DDX4: variants seen among roughly 807,000 people sequenced by gnomAD.
DDX4 encodes the protein DEAD-box helicase 4.
A neutral mutation model predicts 100.0 loss-of-function variants in DDX4; 25 were observed. The ratio of observed to expected loss-of-function variants is 0.25; its 90% CI spans 0.18 to 0.35. The LOEUF (loss-of-function observed/expected upper bound fraction) is 0.35, where lower values mean the gene tolerates loss of function less well. Ranked by LOEUF, DDX4 falls within the 10% of genes least tolerant of loss-of-function variation. The probability of loss-of-function intolerance (pLI) is 1.00; values close to 1 mark genes in which losing one functional copy is unlikely to be tolerated. For synonymous variants in DDX4, 259 were observed against 275.7 expected (o/e 0.94, Z 0.60); for missense variants, 635 against 882.4 (o/e 0.72, Z 3.55).
intron 6 of DDX4, among the ~76,000 whole-genome samples, chr5:55,764,842 C>G (rs947976675): frequency 6.6e-6 from 1 of 152,118 alleles, no homozygotes; most frequent in African/African-American, 2.4e-5. Flanking sequence ...AGTGAGAATG[C>G]GTGTAAAAGC....
chr5:55,780,877 C>G (rs1741871154), intron 8 of DDX4, among the ~76,000 whole-genome samples, 189 bp from the exon 9 acceptor site: 1 of 152,126 alleles, frequency 6.6e-6, no homozygotes, highest in South Asian at 2.1e-4. Flanking sequence ...CTTAGTTTAA[C>G]TTGGTTTAAT....
chr5:55,773,402 T>C (rs2111908250), intron 7 of DDX4, among the ~76,000 whole-genome samples: 1 of 152,346 alleles, frequency 6.6e-6, no homozygotes, highest in Middle Eastern at 3.4e-3. Flanking sequence ...TTTTCTGGAG[T>C]ATATACTTAG....
chr5:55,786,434 G>A lies in DDX4; in HGVS notation c.865-84G>A, dbSNP rs551728013. 42 of 1,109,156 alleles carry A rather than the reference G, an allele frequency of 3.8e-5. No homozygotes were observed. The South Asian group carries it at 7.2e-4, about 19-fold the overall frequency. The allele number at this position is 1,109,156 out of a possible 1,614,324, so 68.7% of individuals were successfully genotyped here. ...TATAAAGTAGAATTAACAGAACTTGGAAAGTAGCTCGAATGAAATATGCTT... is the reference window on the plus strand; with the variant it reads ...TATAAAGTAGAATTAACAGAACTTGAAAAGTAGCTCGAATGAAATATGCTT... On this transcript the variant is annotated intron_variant, in intron 13 of 21. Transcript: ENST00000505374.
intron 18 of DDX4, among the ~76,000 whole-genome samples, chr5:55,802,537 A>G (rs758666235): frequency 1.1e-4 from 17 of 152,200 alleles, no homozygotes; most frequent in Non-Finnish European, 2.4e-4. Context: ...GTCTGTTTCT[A>G]GAAGGACTAG....
chr5:55,790,407 A>G (rs543356017), intron 15 of DDX4, among the ~76,000 whole-genome samples, 169 bp from the exon 16 acceptor site: 2 of 152,334 alleles, frequency 1.3e-5, no homozygotes, highest in African/African-American at 4.8e-5. Flanking sequence ...TGGCCTCCCA[A>G]AGTGCTGGGA....
At chr5:55,773,706 C>T (rs1049588106) in intron 7 of DDX4, among the ~76,000 whole-genome samples, 2 of 152,096 alleles carry the variant, frequency 1.3e-5, no homozygotes, top group Non-Finnish European at 2.9e-5. Flanking sequence ...CTCACTGCAG[C>T]CTCAACCTCC....
intron 18 of DDX4, among the ~76,000 whole-genome samples, chr5:55,806,744 A>G (rs894480947): frequency 1.3e-5 from 2 of 152,214 alleles, no homozygotes; most frequent in Non-Finnish European, 2.9e-5. Flanking sequence ...TTTACTTCCA[A>G]CTATGTGATC....
At chr5:55,747,991 G>A (rs1345086598) in intron 3 of DDX4, among the ~76,000 whole-genome samples, 1 of 152,184 alleles carries the variant, frequency 6.6e-6, no homozygotes, top group Non-Finnish European at 1.5e-5. Flanking sequence ...CCCATGGTGA[G>A]GTAGTTTCCA....
In DDX4 at chr5:55,763,457, A is replaced by T. The variant is rs1040555847; in HGVS notation, c.283+205A>T. 2.6e-5 allele frequency among the ~76,000 whole-genome samples: 4 copies of T among 152,160 alleles called. No homozygotes were observed. The East Asian group carries it at 7.7e-4, about 29-fold the overall frequency. ...TGAAAGATTACTGATGAATGCTTTT[A>T]AAATTAATTCTAGAGACATGTCTGT... is the stretch of plus-strand genomic sequence containing the variant. On this transcript the variant is annotated intron_variant, in intron 5 of 21. Transcript: ENST00000505374.
intron 17 of DDX4, among the ~76,000 whole-genome samples, chr5:55,794,605 G>T (rs778879877): frequency 6.6e-6 from 1 of 152,102 alleles, no homozygotes; most frequent in African/African-American, 2.4e-5. Flanking sequence ...CCTGAAATGG[G>T]AAAGTATTTG....
intron 18 of DDX4, among the ~76,000 whole-genome samples, chr5:55,802,548 T>A (rs1743388110): frequency 6.6e-6 from 1 of 152,208 alleles, no homozygotes; most frequent in Non-Finnish European, 1.5e-5. Context: ...GAAGGACTAG[T>A]CCTGGAAATC....
chr5:55,764,168 T>C, intron 6 of DDX4, 104 bp downstream of exon 6: 1 of 832,792 alleles, frequency 1.2e-6, no homozygotes. Context: ...CTAACTTATT[T>C]AAACCAGATT....
At chr5:55,788,033 T>C (rs1321470573) in intron 15 of DDX4, 33 bp downstream of exon 15, 2 of 1,548,302 alleles carry the variant, frequency 1.3e-6, no homozygotes, top group African/African-American at 2.8e-5. Flanking sequence ...CACAAAATAG[T>C]TTTTTCTTTA....
chr5:55,784,360 A>G lies in DDX4; in HGVS notation c.626-937A>G, dbSNP rs114712720. Among the ~76,000 whole-genome samples, 498 of 152,226 alleles carry G rather than the reference A, an allele frequency of 3.3e-3. 4 individuals are homozygous for G. Among genetic ancestry groups the G allele is most frequent in the African/African-American group, 0.012 (485 of 41,534 alleles). Reference sequence around the variant, plus strand: ...TTTTGTTCTGTCTGGCCCCTAGCCTATTGGATGGTGCCTGCCCAGATTGGA... The same window carrying G: ...TTTTGTTCTGTCTGGCCCCTAGCCTGTTGGATGGTGCCTGCCCAGATTGGA... On this transcript the variant is annotated intron_variant, in intron 10 of 21. Coordinates refer to ENST00000505374, the MANE Select transcript of DDX4 (RefSeq NM_024415.3).
chr5:55,754,080 G>C (rs1474527185), intron 3 of DDX4, among the ~76,000 whole-genome samples: 2 of 145,880 alleles, frequency 1.4e-5, no homozygotes, highest in East Asian at 2.0e-4. Context: ...GGGCTGAGAC[G>C]ATGGGGTTTT....
At chr5:55,772,103 C>T (rs540320669) in intron 7 of DDX4, among the ~76,000 whole-genome samples, 3 of 152,104 alleles carry the variant, frequency 2.0e-5, no homozygotes, top group South Asian at 2.1e-4. Flanking sequence ...CCCACCTACT[C>T]GGCAGGCTGA....
At position 55,803,594 on chromosome 5, in the gene DDX4, T is replaced by A. The variant is rs10064937; in HGVS notation, c.1615+5023T>A. On this transcript the variant is annotated intron_variant, in intron 18 of 21. Coordinates refer to ENST00000505374, the MANE Select transcript of DDX4 (RefSeq NM_024415.3). ...TGCGGTGTTTGGTTTTTTGTTCTTG[T>A]GATAGTTTACTTGAGAATGATGATT... Among the ~76,000 whole-genome samples the A allele has an allele frequency of 4.6e-3, 694 of 149,836 alleles. 6 individuals are homozygous for A. The highest frequency in any genetic ancestry group is 0.015 in the African/African-American group (628 of 40,616).
At chr5:55,784,126 G>A (rs1742098631) in intron 10 of DDX4, among the ~76,000 whole-genome samples, 1 of 152,038 alleles carries the variant, frequency 6.6e-6, no homozygotes, top group Admixed American at 6.6e-5. Context: ...TGCTGAGAAT[G>A]ATGGAACCAG....
intron 2 of DDX4, among the ~76,000 whole-genome samples, chr5:55,740,129 C>T (rs897293218): frequency 6.6e-6 from 1 of 152,150 alleles, no homozygotes; most frequent in African/African-American, 2.4e-5. Flanking sequence ...ACAAGCACTC[C>T]TGTTAAAATT....
Sources: allele counts gnomAD v4.1 joint callset (sites outside exome capture counted in the v4.1 genomes callset), GRCh38; gene constraint gnomAD v4.1.1; transcripts MANE v1.5; gene names NCBI Gene and HGNC (gene_info 2026-07-23, HGNC 2026-07-21).